The following NKAIN3 variants were observed in gnomAD, a reference collection of about 807,000 sequenced individuals.
NKAIN3 encodes sodium/potassium-transporting ATPase subunit beta-1-interacting protein 3.
NKAIN3 carries 25 observed loss-of-function variants against 30.2 expected under a neutral mutation model. The ratio of observed to expected loss-of-function variants is 0.83; its 90% confidence interval spans 0.60 to 1.16. The LOEUF (loss-of-function observed/expected upper bound fraction) is 1.16. Ranked by LOEUF, NKAIN3 falls within the 50% of genes most tolerant of loss-of-function variation. The pLI, the probability that NKAIN3 is intolerant of heterozygous loss-of-function variation, is 0.00. For missense variants in NKAIN3, 225 were observed against 254.1 expected (o/e 0.89, Z 0.78); for synonymous variants, 91 against 89.6 (o/e 1.02, Z -0.09).
intron 3 of NKAIN3, among the ~76,000 whole-genome samples, chr8:62,641,822 C>A (rs1366588499): frequency 2.0e-5 from 3 of 152,002 alleles, no homozygotes; most frequent in Non-Finnish European, 4.4e-5. Context: ...TGCTACAAAT[C>A]TTATATGTTT....
chr8:62,824,756 C>G (rs1018489736), intron 4 of NKAIN3, among the ~76,000 whole-genome samples: 2 of 152,112 alleles, frequency 1.3e-5, no homozygotes, highest in African/African-American at 2.4e-5. Context: ...AGTTCTAACT[C>G]TACCACAAGC....
At chr8:62,438,744 G>A (rs1805240519) in intron 1 of NKAIN3, among the ~76,000 whole-genome samples, 1 of 152,194 alleles carries the variant, frequency 6.6e-6, no homozygotes, top group Non-Finnish European at 1.5e-5. Context: ...GTACTTTTTG[G>A]TGGAGATGGG....
intron 4 of NKAIN3, among the ~76,000 whole-genome samples, chr8:62,871,273 T>A (rs768313212): frequency 2.0e-5 from 3 of 151,690 alleles, no homozygotes; most frequent in Non-Finnish European, 4.4e-5. Flanking sequence ...CCTGGTGGTG[T>A]GCACCTGTAA....
chr8:62,996,138 T>A (rs866221353), intron 5 of NKAIN3, among the ~76,000 whole-genome samples: 1 of 152,236 alleles, frequency 6.6e-6, no homozygotes, highest in Admixed American at 6.5e-5. Flanking sequence ...AAAAAGATAC[T>A]ACCTGAAACT....
intron 6 of NKAIN3, among the ~76,000 whole-genome samples, chr8:62,957,641 A>C (rs1823459620): frequency 6.6e-6 from 1 of 152,190 alleles, no homozygotes. Flanking sequence ...ATGCTATATA[A>C]TTCCAATTAT....
chr8:62,395,370 G>T (rs368015225), intron 1 of NKAIN3, among the ~76,000 whole-genome samples: 7 of 152,118 alleles, frequency 4.6e-5, no homozygotes, highest in Admixed American at 6.5e-5. Flanking sequence ...AGGTGGTGGT[G>T]GGGGGTGGCC....
intron 5 of NKAIN3, among the ~76,000 whole-genome samples, chr8:62,950,944 C>CTTTTT (rs71559384): frequency 5.4e-4 from 54 of 100,680 alleles, no homozygotes; most frequent in Non-Finnish European, 9.2e-4. Context: ...AAACAGAATC[C>CTTTTT]TTTTTTTTTT....
At chr8:62,828,944 C>T (rs551253184) in intron 4 of NKAIN3, among the ~76,000 whole-genome samples, 95 of 152,252 alleles carry the variant, frequency 6.2e-4, no homozygotes, top group African/African-American at 1.9e-3. Flanking sequence ...CCCCTGCTGA[C>T]GCTGCAAGGA....
intron 1 of NKAIN3, among the ~76,000 whole-genome samples, chr8:62,540,515 A>G (rs570398489): frequency 2.8e-4 from 43 of 152,262 alleles, no homozygotes; most frequent in African/African-American, 1.0e-3. Flanking sequence ...TTTGTCTCCA[A>G]TTAACCTCCA....
At chr8:62,563,247 A>T (rs1016988972) in intron 1 of NKAIN3, among the ~76,000 whole-genome samples, 2 of 152,120 alleles carry the variant, frequency 1.3e-5, no homozygotes, top group African/African-American at 4.8e-5. Flanking sequence ...AAGGAAGAGG[A>T]GTTAGGTTTT....
intron 2 of NKAIN3, among the ~76,000 whole-genome samples, chr8:62,585,267 AAGACTATT>A (rs1810433349): frequency 6.6e-6 from 1 of 152,188 alleles, no homozygotes; most frequent in Admixed American, 6.5e-5. Flanking sequence ...CCTCTCGGCA[AAGACTATT>A]AGAAAAACCA....
At chr8:62,417,873 C>A (rs188154871) in intron 1 of NKAIN3, among the ~76,000 whole-genome samples, 4 of 152,122 alleles carry the variant, frequency 2.6e-5, no homozygotes, top group African/African-American at 7.2e-5. Flanking sequence ...GCTTATTAAT[C>A]CCTTGTCAGA....
chr8:62,326,880 C>A (rs1036061675), intron 1 of NKAIN3, among the ~76,000 whole-genome samples: 1 of 152,004 alleles, frequency 6.6e-6, no homozygotes, highest in Non-Finnish European at 1.5e-5. Flanking sequence ...AACTGCAATA[C>A]TGATTTACAC....
intron 1 of NKAIN3, among the ~76,000 whole-genome samples, chr8:62,410,029 G>C (rs959161000): frequency 4.6e-5 from 7 of 152,124 alleles, no homozygotes; most frequent in African/African-American, 1.4e-4. Flanking sequence ...GTTCAGGTTT[G>C]TTACATGGGT....
intron 1 of NKAIN3, among the ~76,000 whole-genome samples, chr8:62,311,820 T>G (rs1814443773): frequency 6.7e-6 from 1 of 150,204 alleles, no homozygotes; most frequent in South Asian, 2.1e-4. Context: ...TGAAGTGAGC[T>G]CCCTTTCCCA....
At chr8:62,374,120 A>G (rs78600422) in intron 1 of NKAIN3, among the ~76,000 whole-genome samples, 5 of 124,628 alleles carry the variant, frequency 4.0e-5, no homozygotes, top group Non-Finnish European at 3.5e-5. Context: ...CTCCAAAAAA[A>G]AAAAAAAAAA....
At chr8:62,999,475 C>T (rs1463704695) in exon 6 of NKAIN3, 1 of 152,300 alleles carries the variant, frequency 6.6e-6, no homozygotes, top group East Asian at 1.9e-4. Flanking sequence ...ACAAACACTG[C>T]TATCTCCCAC....
Position 62,975,453 on chromosome 8 carries a change from A to G in NKAIN3, c.*10046A>G, listed in dbSNP as rs1422186497. ...TAAATTTTTTAGTTTATTTGGATAG[A>G]GTTGTTTGTAATATTCTCTGACGGT... On this transcript the variant is annotated 3_prime_UTR_variant, in exon 7 of 7. Transcript: ENST00000623646. Among the ~76,000 whole-genome samples, 1 of 152,132 alleles carries G rather than the reference A, an allele frequency of 6.6e-6. No individual in the cohort carries two copies. Among genetic ancestry groups the G allele is most frequent in the Non-Finnish European group, 1.5e-5 (1 of 68,026 alleles).
At chr8:62,389,056 G>A (rs1585751388) in intron 1 of NKAIN3, among the ~76,000 whole-genome samples, 3 of 152,084 alleles carry the variant, frequency 2.0e-5, no homozygotes, top group Admixed American at 6.6e-5. Flanking sequence ...GAAACTGAAG[G>A]GCAGCCAGCC....
Sources: allele counts gnomAD v4.1 joint callset (sites outside exome capture counted in the v4.1 genomes callset), GRCh38; gene constraint gnomAD v4.1.1; transcripts MANE v1.5; gene names NCBI Gene and HGNC (gene_info 2026-07-23, HGNC 2026-07-21).